The following ZNF804A variants were observed in gnomAD, a reference collection of about 807,000 sequenced individuals.
The protein encoded by ZNF804A is zinc finger protein 804A.
In ZNF804A, 2 loss-of-function variants were observed where a neutral mutation model predicts 16.5. The observed-to-expected ratio is 0.12, with a 90% CI of 0.05 to 0.38. The LOEUF (loss-of-function observed/expected upper bound fraction) is 0.38, where lower values mean the gene tolerates loss of function less well. Ranked by LOEUF, ZNF804A falls within the 10% of genes least tolerant of loss-of-function variation. The pLI, the probability that ZNF804A is intolerant of heterozygous loss-of-function variation, is 0.99. For synonymous variants in ZNF804A, 534 were observed against 489.6 expected (o/e 1.09, Z -1.20); for missense variants, 1,473 against 1,390.7 (o/e 1.06, Z -0.94).
chr2:184,929,427 A>T (rs1685660186), intron 2 of ZNF804A, among the ~76,000 whole-genome samples: 1 of 152,074 alleles, frequency 6.6e-6, no homozygotes, highest in Non-Finnish European at 1.5e-5. Flanking sequence ...GAAATTTAAA[A>T]CCACTATTTG....
intron 1 of ZNF804A, among the ~76,000 whole-genome samples, chr2:184,758,932 G>A (rs1193577982): frequency 1.3e-5 from 2 of 151,786 alleles, no homozygotes; most frequent in African/African-American, 2.4e-5. Context: ...CAAGAAAGTA[G>A]TATTCAATTT....
chr2:184,819,432 A>T (rs1246004958), intron 1 of ZNF804A, among the ~76,000 whole-genome samples: 1 of 152,044 alleles, frequency 6.6e-6, no homozygotes, highest in Non-Finnish European at 1.5e-5. Context: ...GTTAAGAGGG[A>T]AATTTATAGC....
chr2:184,718,712 CAAG>C (rs1309170491), intron 1 of ZNF804A, among the ~76,000 whole-genome samples: 1 of 152,120 alleles, frequency 6.6e-6, no homozygotes, highest in Non-Finnish European at 1.5e-5. Context: ...CACGCTGATA[CAAG>C]AAGTGGGTTT....
chr2:184,616,628 A>G (rs1280167695), intron 1 of ZNF804A, among the ~76,000 whole-genome samples: 1 of 152,128 alleles, frequency 6.6e-6, no homozygotes, highest in African/African-American at 2.4e-5. Context: ...TGCTTTCGGG[A>G]GTCTAGGGAA....
At chr2:184,832,465 G>T (rs1359613402) in intron 1 of ZNF804A, among the ~76,000 whole-genome samples, 1 of 151,820 alleles carries the variant, frequency 6.6e-6, no homozygotes, top group African/African-American at 2.4e-5. Flanking sequence ...CAATGAAATC[G>T]GTTAATTTGG....
In ZNF804A at chr2:184,744,920, T is replaced by G. The variant is rs936201709; in HGVS notation, c.112-121449T>G. Among the ~76,000 whole-genome samples, 5 of 151,924 alleles carry G rather than the reference T, an allele frequency of 3.3e-5. No individual in the cohort carries two copies. In the South Asian group the frequency reaches 8.3e-4, roughly 25 times the overall value. The stretch of plus-strand genomic sequence containing the variant: ...GACCTCAAGTCCTAATCATGTGGGA[T>G]GAAAAAAAGTATTTCAGACAATAGG... On this transcript the variant is annotated intron_variant, in intron 1 of 3. Coordinates refer to ENST00000302277, the MANE Select transcript of ZNF804A (RefSeq NM_194250.2).
At chr2:184,806,006 A>C (rs1394580659) in intron 1 of ZNF804A, among the ~76,000 whole-genome samples, 2 of 152,036 alleles carry the variant, frequency 1.3e-5, no homozygotes, top group South Asian at 2.1e-4. Flanking sequence ...AATGTTTAAT[A>C]ATCTCCGAAC....
intron 1 of ZNF804A, among the ~76,000 whole-genome samples, chr2:184,835,059 T>C (rs1695321719): frequency 6.6e-6 from 1 of 152,184 alleles, no homozygotes; most frequent in South Asian, 2.1e-4. Flanking sequence ...AAATGTTAAA[T>C]TGTTCCTTCC....
chr2:184,932,653 T>C (rs1012055958), intron 2 of ZNF804A, among the ~76,000 whole-genome samples: 5 of 152,182 alleles, frequency 3.3e-5, no homozygotes, highest in African/African-American at 1.2e-4. Context: ...CTACTCAAGA[T>C]TCTGACATAT....
intron 1 of ZNF804A, among the ~76,000 whole-genome samples, chr2:184,662,285 A>T (rs556851559): frequency 6.6e-6 from 1 of 152,278 alleles, no homozygotes; most frequent in East Asian, 1.9e-4. Context: ...AGGTTTTGAG[A>T]TGATTTGATC....
Position 184,936,520 on chromosome 2 carries a change from C to T in ZNF804A, c.1124C>T (p.Thr375Ile), listed in dbSNP as rs1167659881. 8 of 1,613,744 alleles carry T rather than the reference C, an allele frequency of 5.0e-6. No individual in the cohort carries two copies. The highest frequency in any genetic ancestry group is 6.8e-6 in the Non-Finnish European group (8 of 1,179,946). ...MSNDCISVQA[T>I]TEENVKHNEA... is the part of the protein sequence containing the mutation. ...AATGATTGCATATCTGTGCAAGCTACCACAGAGGAAAATGTTAAGCATAAC... is the reference window on the plus strand; with the variant it reads ...AATGATTGCATATCTGTGCAAGCTATCACAGAGGAAAATGTTAAGCATAAC... The change falls in exon 4 of 4, where the codon ACC (threonine) becomes ATC (isoleucine). Residue 375 changes from threonine to isoleucine, a missense_variant. Physicochemically the swap from Thr to Ile is moderately conservative, Grantham distance 89. Coordinates refer to ENST00000302277, the MANE Select transcript of ZNF804A (RefSeq NM_194250.2).
intron 1 of ZNF804A, among the ~76,000 whole-genome samples, chr2:184,813,389 G>A (rs559138689): frequency 2.6e-4 from 40 of 152,058 alleles, no homozygotes; most frequent in Non-Finnish European, 5.0e-4. Flanking sequence ...AGAAAATTGA[G>A]GGAGAATTAG....
chr2:184,925,418 T>C (rs910318484), intron 2 of ZNF804A, among the ~76,000 whole-genome samples: 1 of 151,998 alleles, frequency 6.6e-6, no homozygotes, highest in Non-Finnish European at 1.5e-5. Context: ...TCACTCTGTG[T>C]GTGTTTTTAT....
intron 1 of ZNF804A, among the ~76,000 whole-genome samples, chr2:184,680,359 G>A (rs554306472): frequency 1.3e-5 from 2 of 152,282 alleles, no homozygotes; most frequent in African/African-American, 4.8e-5. Context: ...CAGATGTCGG[G>A]AGGTCTTGCC....
chr2:184,687,844 C>T (rs1020609715), intron 1 of ZNF804A, among the ~76,000 whole-genome samples: 11 of 152,250 alleles, frequency 7.2e-5, no homozygotes, highest in East Asian at 5.8e-4. Flanking sequence ...ATAGGCCAGG[C>T]GTGGTGGTTC....
chr2:184,895,195 C>CGT (rs199534524), intron 2 of ZNF804A, among the ~76,000 whole-genome samples: 11 of 150,622 alleles, frequency 7.3e-5, no homozygotes, highest in Non-Finnish European at 1.2e-4. Flanking sequence ...TTTTTATGCT[C>CGT]GTGTGTGTGT....
intron 2 of ZNF804A, among the ~76,000 whole-genome samples, chr2:184,922,413 T>C (rs892988594): frequency 5.3e-5 from 8 of 152,132 alleles, no homozygotes; most frequent in Non-Finnish European, 7.4e-5. Flanking sequence ...GAAATGTCTA[T>C]TTAGATATTT....
intron 1 of ZNF804A, among the ~76,000 whole-genome samples, chr2:184,801,394 T>C (rs774564351): frequency 6.6e-6 from 1 of 152,212 alleles, no homozygotes; most frequent in Admixed American, 6.5e-5. Flanking sequence ...CATTCTTTTC[T>C]TTCTTTATTC....
At chr2:184,896,413 C>T (rs901225249) in intron 2 of ZNF804A, among the ~76,000 whole-genome samples, 3 of 152,048 alleles carry the variant, frequency 2.0e-5, no homozygotes, top group Non-Finnish European at 2.9e-5. Context: ...GGAGTCATGG[C>T]GCCATCAATC....
Sources: gnomAD v4.1 joint callset for allele counts (sites outside exome capture counted in the v4.1 genomes callset) on GRCh38, gnomAD v4.1.1 for gene constraint, MANE v1.5 for transcripts, NCBI Gene and HGNC (gene_info 2026-07-23, HGNC 2026-07-21) for gene names.